Variants in PEX5L observed in about 807,000 individuals in gnomAD.
The protein encoded by PEX5L is peroxisomal biogenesis factor 5 like.
PEX5L carries 30 observed loss-of-function variants against 84.0 expected under a neutral mutation model. The observed-to-expected ratio is 0.36, with a 90% confidence interval of 0.27 to 0.48. PEX5L has a LOEUF of 0.48. Ranked by LOEUF, PEX5L falls within the 20% of genes least tolerant of loss-of-function variation. PEX5L has a pLI of 0.99. For synonymous variants in PEX5L, 270 were observed against 283.1 expected (o/e 0.95, Z 0.46); for missense variants, 533 against 754.6 (o/e 0.71, Z 3.44).
At chr3:179,902,763 G>T in intron 2 of PEX5L, 1 of 402,030 alleles carries the variant, frequency 2.5e-6, no homozygotes, top group Non-Finnish European at 4.9e-6. Flanking sequence ...CTGCTACCAA[G>T]GAATTTGTAA....
intron 2 of PEX5L, among the ~76,000 whole-genome samples, chr3:179,918,032 A>T (rs1172696906): frequency 3.9e-5 from 6 of 152,220 alleles, no homozygotes; most frequent in African/African-American, 7.2e-5. Flanking sequence ...CATTATGACC[A>T]TTTTAAAGAT....
intron 1 of PEX5L, among the ~76,000 whole-genome samples, chr3:179,994,724 G>C (rs1241863444): frequency 1.3e-5 from 2 of 152,050 alleles, no homozygotes; most frequent in African/African-American, 2.4e-5. Context: ...TCAGTGGGCT[G>C]GGAAAGGCAG....
intron 8 of PEX5L, among the ~76,000 whole-genome samples, chr3:179,848,901 G>A (rs1362970760): frequency 6.6e-6 from 1 of 152,178 alleles, no homozygotes; most frequent in East Asian, 1.9e-4. Context: ...AAGTGGAACT[G>A]CCTCCTCAAG....
At chr3:180,005,137 A>G in intron 1 of PEX5L, among the ~76,000 whole-genome samples, 1 of 152,242 alleles carries the variant, frequency 6.6e-6, no homozygotes, top group Admixed American at 6.5e-5. Context: ...TGAAAGAGAA[A>G]TAATGTATTA....
intron 2 of PEX5L, among the ~76,000 whole-genome samples, chr3:179,909,217 T>G (rs1764337686): frequency 6.6e-6 from 1 of 152,140 alleles, no homozygotes; most frequent in African/African-American, 2.4e-5. Context: ...GATATTTGAG[T>G]TCTTCCAGTT....
chr3:180,023,299 A>G (rs752652247), intron 1 of PEX5L, among the ~76,000 whole-genome samples: 3 of 152,220 alleles, frequency 2.0e-5, no homozygotes, highest in Non-Finnish European at 2.9e-5. Flanking sequence ...CACTGTCACA[A>G]AAAGTGACTA....
In PEX5L at chr3:180,036,565, T is replaced by C. The variant is rs779965248; in HGVS notation, c.21+14A>G. 30 of 1,613,484 alleles carry C rather than the reference T, an allele frequency of 1.9e-5. No homozygotes were observed. The highest frequency in any genetic ancestry group is 3.3e-4 in the Middle Eastern group (2 of 6,060). On this transcript the variant is annotated intron_variant, in intron 1 of 14. Transcript: ENST00000467460. ...CCCCCAAGAATTCTCTCCAGCCCTA[T>C]AGAAATGTCTTACCTGCATGTGTCC...
chr3:179,917,167 C>T (rs1767477175), intron 2 of PEX5L, among the ~76,000 whole-genome samples: 1 of 151,912 alleles, frequency 6.6e-6, no homozygotes, highest in African/African-American at 2.4e-5. Flanking sequence ...TTAGCCTAGG[C>T]CTACACAGGG....
intron 2 of PEX5L, among the ~76,000 whole-genome samples, chr3:179,906,223 A>G (rs1041032280): frequency 6.6e-6 from 1 of 152,206 alleles, no homozygotes; most frequent in Non-Finnish European, 1.5e-5. Context: ...TCTCACTCTT[A>G]CCATGTCCCA....
intron 2 of PEX5L, among the ~76,000 whole-genome samples, chr3:179,940,299 AAG>A (rs971216185): frequency 6.6e-6 from 1 of 151,882 alleles, no homozygotes; most frequent in Non-Finnish European, 1.5e-5. Context: ...GAGAGGTGGG[AAG>A]AGAGAGAGAA....
intron 1 of PEX5L, among the ~76,000 whole-genome samples, chr3:180,002,482 G>C (rs1263872382): frequency 6.6e-6 from 1 of 151,930 alleles, no homozygotes; most frequent in Non-Finnish European, 1.5e-5. Flanking sequence ...TGATCATCTT[G>C]TTATATGTAT....
intron 1 of PEX5L, 141 bp from the exon 2 acceptor site, chr3:179,971,806 C>T (rs1315665567): frequency 2.5e-6 from 2 of 813,946 alleles, no homozygotes; most frequent in Non-Finnish European, 3.5e-6. Context: ...TGCTCATGTA[C>T]AACAGCAAAT....
chr3:179,969,377 A>G (rs1326227610), intron 2 of PEX5L, among the ~76,000 whole-genome samples: 2 of 152,082 alleles, frequency 1.3e-5, no homozygotes, highest in African/African-American at 2.4e-5. Flanking sequence ...TAAAATACAT[A>G]TATATGTATA....
chr3:179,934,394 T>G (rs1220829969), intron 2 of PEX5L, among the ~76,000 whole-genome samples: 1 of 152,218 alleles, frequency 6.6e-6, no homozygotes, highest in African/African-American at 2.4e-5. Flanking sequence ...AACTATCATT[T>G]ATGAAGCCTC....
chr3:179,972,788 C>T (rs940038165), intron 1 of PEX5L, among the ~76,000 whole-genome samples: 2 of 151,222 alleles, frequency 1.3e-5, no homozygotes, highest in Non-Finnish European at 2.9e-5. Context: ...ATTTTTTTCC[C>T]GCAAAAACAT....
chr3:179,949,209 T>C (rs1228080828), intron 2 of PEX5L, among the ~76,000 whole-genome samples: 2 of 152,058 alleles, frequency 1.3e-5, no homozygotes, highest in Non-Finnish European at 2.9e-5. Flanking sequence ...AACTGAAGAG[T>C]AGATTTTTAA....
At chr3:179,874,044 A>G (rs1056003047) in intron 7 of PEX5L, among the ~76,000 whole-genome samples, 40 of 152,182 alleles carry the variant, frequency 2.6e-4, no homozygotes, top group African/African-American at 9.4e-4. Flanking sequence ...ATTACAAAAT[A>G]ATAGAACAGT....
intron 2 of PEX5L, chr3:179,902,127 G>T (rs1761569524): frequency 6.6e-6 from 1 of 152,228 alleles, no homozygotes; most frequent in Non-Finnish European, 1.5e-5. Context: ...ATCTTGTGGT[G>T]GTAACTCTGT....
chr3:179,797,606 ATATATATAT>A lies in PEX5L; in HGVS notation c.*4213_*4221del, dbSNP rs374708537. ...ACACTCTTTAAAAAAAAAAAAAAAA[ATATATATAT>A]ATATATATATATATATCTACTTCTT... On this transcript the variant is annotated 3_prime_UTR_variant, in exon 15 of 15. Transcript: ENST00000467460. The A allele has an allele frequency of 3.7e-5, 3 of 80,196 alleles. No homozygotes were observed. Among genetic ancestry groups the A allele is most frequent in the African/African-American group, 1.5e-4 (3 of 19,932 alleles). The allele number at this position is 80,196 out of a possible 1,614,324, so 5.0% of individuals were successfully genotyped here.
Sources: gnomAD v4.1 joint callset for allele counts (sites outside exome capture counted in the v4.1 genomes callset) on GRCh38, gnomAD v4.1.1 for gene constraint, MANE v1.5 for transcripts, NCBI Gene and HGNC (gene_info 2026-07-23, HGNC 2026-07-21) for gene names.